Variants in ANKS1B observed in about 807,000 individuals in gnomAD.
The protein encoded by ANKS1B is ankyrin repeat and sterile alpha motif domain-containing protein 1B.
A neutral mutation model predicts 148.3 loss-of-function variants in ANKS1B; 36 were observed. That is an observed-to-expected ratio of 0.24 (90% CI 0.19 to 0.32). The LOEUF (loss-of-function observed/expected upper bound fraction) is 0.32, where lower values mean the gene tolerates loss of function less well. Among genes scored for constraint, ANKS1B ranks in the 10% least tolerant of loss-of-function variants. The pLI, the probability that ANKS1B is intolerant of heterozygous loss-of-function variation, is 1.00. For synonymous variants in ANKS1B, 542 were observed against 560.8 expected (o/e 0.97, Z 0.47); for missense variants, 1,157 against 1,542.6 (o/e 0.75, Z 4.19).
At chr12:99,936,352 A>G (rs531557709) in intron 1 of ANKS1B, among the ~76,000 whole-genome samples, 2 of 152,188 alleles carry the variant, frequency 1.3e-5, no homozygotes. Flanking sequence ...TGTAAAATAC[A>G]CAGGGATAAT....
At chr12:98,944,302 CAAAA>C (rs11313441) in intron 17 of ANKS1B, among the ~76,000 whole-genome samples, 1 of 88,040 alleles carries the variant, frequency 1.1e-5, no homozygotes, top group Admixed American at 1.5e-4. Context: ...CTCCACCTCA[CAAAA>C]AAAAAAAAAA....
intron 16 of ANKS1B, among the ~76,000 whole-genome samples, chr12:99,072,538 C>T (rs922364474): frequency 1.3e-5 from 2 of 151,976 alleles, no homozygotes; most frequent in Admixed American, 6.6e-5. Flanking sequence ...TTTTTTGAGC[C>T]CCTGCAAGAT....
Position 99,862,709 on chromosome 12 carries a change from T to C in ANKS1B, c.135-37320A>G, listed in dbSNP as rs115134609. ...AAACACAAATTATTATAATGTATTGTTTTCATCTTCCTGCCCAATATCCAA... is the reference window on the plus strand; with the variant it reads ...AAACACAAATTATTATAATGTATTGCTTTCATCTTCCTGCCCAATATCCAA... On this transcript the variant is annotated intron_variant, in intron 1 of 26. Coordinates refer to ENST00000683438, the MANE Select transcript of ANKS1B (RefSeq NM_001352186.2). Among the ~76,000 whole-genome samples the C allele has an allele frequency of 7.8e-3, 1,191 of 152,332 alleles. 16 individuals carry two copies. Among genetic ancestry groups the C allele is most frequent in the African/African-American group, 0.027 (1,117 of 41,574 alleles).
At position 98,986,901 on chromosome 12, in the gene ANKS1B, G is replaced by A. The variant is rs569772143; in HGVS notation, c.2778+66256C>T. On this transcript the variant is annotated intron_variant, in intron 17 of 26. Coordinates refer to ENST00000683438, the MANE Select transcript of ANKS1B (RefSeq NM_001352186.2). ...CCGAAAGTGCTTAGATTATAGGCAT[G>A]AGCCACCATGGCTGGCTGACCTTTT... Among the ~76,000 whole-genome samples the A allele has an allele frequency of 8.5e-5, 13 of 152,208 alleles. 1 individual carries two copies. In the East Asian group the frequency reaches 2.5e-3, roughly 29 times the overall value.
intron 17 of ANKS1B, among the ~76,000 whole-genome samples, chr12:98,858,380 G>A (rs116851346): frequency 0.016 from 2,440 of 152,314 alleles, 63 homozygotes; most frequent in East Asian, 0.067. Flanking sequence ...GTCTTGCTCT[G>A]TCAGCCAGGC....
At chr12:99,001,718 C>T (rs2153369047) in intron 17 of ANKS1B, among the ~76,000 whole-genome samples, 2 of 152,262 alleles carry the variant, frequency 1.3e-5, no homozygotes, top group South Asian at 4.1e-4. Flanking sequence ...GTATTATTAA[C>T]CGTAATTATC....
intron 1 of ANKS1B, among the ~76,000 whole-genome samples, chr12:99,913,557 G>T (rs1296015516): frequency 6.6e-6 from 1 of 152,094 alleles, no homozygotes; most frequent in Non-Finnish European, 1.5e-5. Flanking sequence ...TGCAAATAAT[G>T]GTGTAGTAAA....
At chr12:99,412,042 T>C (rs1334144752) in intron 11 of ANKS1B, among the ~76,000 whole-genome samples, 1 of 152,232 alleles carries the variant, frequency 6.6e-6, no homozygotes, top group African/African-American at 2.4e-5. Flanking sequence ...ACTTTTGGTG[T>C]GATTATGCTA....
At chr12:99,199,196 A>G (rs1317456243) in intron 14 of ANKS1B, among the ~76,000 whole-genome samples, 1 of 152,208 alleles carries the variant, frequency 6.6e-6, no homozygotes, top group Non-Finnish European at 1.5e-5. Flanking sequence ...CCACTCTCAA[A>G]TTCCTGACCT....
chr12:99,898,004 GA>G (rs1285765367), intron 1 of ANKS1B, among the ~76,000 whole-genome samples: 1 of 140,790 alleles, frequency 7.1e-6, no homozygotes, highest in Non-Finnish European at 1.7e-5. Flanking sequence ...TACAATGATG[GA>G]AGGCATAATT....
chr12:99,443,485 T>C (rs1040506765), intron 11 of ANKS1B, among the ~76,000 whole-genome samples, 188 bp downstream of exon 11: 4 of 151,998 alleles, frequency 2.6e-5, no homozygotes, highest in Non-Finnish European at 5.9e-5. Context: ...CAAAAACTAA[T>C]GCAGATTTCA....
rs1009799367 is a variant in ANKS1B, at chr12:99,466,565, G to C, written c.1439-22756C>G. Among the ~76,000 whole-genome samples, 107 of 150,492 alleles carry C rather than the reference G, an allele frequency of 7.1e-4. 3 individuals are homozygous for C. Among genetic ancestry groups the C allele is most frequent in the Non-Finnish European group, 2.4e-4 (16 of 67,982 alleles). The stretch of plus-strand genomic sequence containing the variant: ...AGCAAGACTAATAAAGAAGAAAAGA[G>C]AGAAGAATCAAATAGATGCAATAAA... On this transcript the variant is annotated intron_variant, in intron 10 of 26. Coordinates refer to ENST00000683438, the MANE Select transcript of ANKS1B (RefSeq NM_001352186.2).
intron 1 of ANKS1B, among the ~76,000 whole-genome samples, chr12:99,900,191 T>A (rs557687754): frequency 4.0e-5 from 6 of 149,156 alleles, no homozygotes; most frequent in Non-Finnish European, 7.4e-5. Context: ...GAGCCACCAC[T>A]CCTGGCATAA....
At chr12:99,394,495 C>T (rs1387405443) in intron 12 of ANKS1B, among the ~76,000 whole-genome samples, 1 of 152,154 alleles carries the variant, frequency 6.6e-6, no homozygotes, top group Non-Finnish European at 1.5e-5. Context: ...TCATTTCCAA[C>T]CAAATTGCTC....
intron 12 of ANKS1B, among the ~76,000 whole-genome samples, chr12:99,299,722 C>T (rs1016027698): frequency 1.3e-5 from 2 of 152,166 alleles, no homozygotes; most frequent in Non-Finnish European, 2.9e-5. Context: ...TATGCATACC[C>T]ATATTTGGGA....
intron 9 of ANKS1B, among the ~76,000 whole-genome samples, chr12:99,615,354 A>T (rs1231541642): frequency 4.6e-5 from 7 of 151,830 alleles, no homozygotes; most frequent in African/African-American, 7.3e-5. Context: ...TTCAATAGTT[A>T]AAAAAAATGA....
intron 12 of ANKS1B, among the ~76,000 whole-genome samples, chr12:99,305,699 C>T (rs895350737): frequency 1.3e-5 from 2 of 152,068 alleles, no homozygotes; most frequent in Admixed American, 1.3e-4. Context: ...CTATACATAG[C>T]AATGGTCAAG....
intron 15 of ANKS1B, among the ~76,000 whole-genome samples, chr12:99,095,817 G>C (rs1244713151): frequency 1.3e-5 from 2 of 152,186 alleles, no homozygotes; most frequent in Non-Finnish European, 2.9e-5. Flanking sequence ...GTGTGTTTGT[G>C]TGTCAATTAT....
At chr12:98,742,040 T>G (rs759399292), downstream of ANKS1B, among the ~76,000 whole-genome samples, 10 of 151,964 alleles carry the variant, frequency 6.6e-5, no homozygotes, top group Non-Finnish European at 1.5e-4. Context: ...TTGTAAAATC[T>G]GACTCCATCT....
Sources: allele counts gnomAD v4.1 joint callset (sites outside exome capture counted in the v4.1 genomes callset), GRCh38; gene constraint gnomAD v4.1.1; transcripts MANE v1.5; gene names NCBI Gene and HGNC (gene_info 2026-07-23, HGNC 2026-07-21).